Variants in NLRC5 observed in about 807,000 individuals in gnomAD.
NLRC5 encodes the protein protein NLRC5.
NLRC5 carries 114 observed loss-of-function variants against 206.9 expected under a neutral mutation model. That is an observed-to-expected ratio of 0.55 (90% CI 0.47 to 0.64). The LOEUF (loss-of-function observed/expected upper bound fraction) is 0.64. Ranked by LOEUF, NLRC5 falls within the 30% of genes least tolerant of loss-of-function variation. The pLI, the probability that NLRC5 is intolerant of heterozygous loss-of-function variation, is 0.00. For missense variants in NLRC5, 2,008 were observed against 2,305.5 expected, an observed-to-expected ratio of 0.87 and a Z score of 2.64; for synonymous variants, 952 against 962.8, an observed-to-expected ratio of 0.99 and a Z score of 0.21.
chr16:57,040,724 G>A lies in NLRC5; in HGVS notation c.2939+6G>A. 6.2e-7 allele frequency: 1 copy of A among 1,613,746 alleles called. No homozygotes were observed. The highest frequency in any genetic ancestry group is 1.7e-5 in the Admixed American group (1 of 60,024). On this transcript the variant is annotated splice_donor_region_variant and intron_variant, in intron 17 of 48. Coordinates refer to ENST00000688547, the MANE Select transcript of NLRC5 (RefSeq NM_001384950.1). ...CTGAGCTCCCGAAGGATGAGGTACA[G>A]TGATGGCCTCCAGCCCTGTGTGTGA... is the stretch of plus-strand genomic sequence containing the variant.
At chr16:56,996,205 G>C (rs913547730) in intron 1 of NLRC5, among the ~76,000 whole-genome samples, 32 of 151,932 alleles carry the variant, frequency 2.1e-4, no homozygotes, top group African/African-American at 7.0e-4. Flanking sequence ...GTCTCACTCT[G>C]TCACCCAGGC....
chr16:57,054,682 C>T, intron 24 of NLRC5, 69 bp from the exon 25 acceptor site: 1 of 576,728 alleles, frequency 1.7e-6, no homozygotes, highest in Non-Finnish European at 3.3e-6. Context: ...CCCTCCCTTT[C>T]CTTACCCTCC....
intron 38 of NLRC5, chr16:57,074,395 C>T (rs1041155556): frequency 2.4e-5 from 13 of 549,846 alleles, no homozygotes; most frequent in Non-Finnish European, 4.0e-5. Context: ...CATAGAACTG[C>T]TGCCTGCCTG....
chr16:57,059,511 A>T lies in NLRC5; in HGVS notation c.3965A>T (p.Asp1322Val). The T allele has an allele frequency of 6.2e-7, 1 of 1,612,106 alleles. No homozygotes were observed. Among genetic ancestry groups the T allele is most frequent in the East Asian group, 2.2e-5 (1 of 44,858 alleles). Residue 1322 changes from aspartate to valine, a missense_variant, in exon 30 of 49, where the codon GAC (aspartate) becomes GTC (valine). Asp to Val is a radical substitution (Grantham distance 152, BLOSUM62 -3). Coordinates refer to ENST00000688547, the MANE Select transcript of NLRC5 (RefSeq NM_001384950.1). Reference protein sequence around the residue: ...QSFRIHFSREDQAGKTLRLSE... With the variant: ...QSFRIHFSREVQAGKTLRLSE... Reference sequence around the variant, plus strand: ...TTCCGGATTCACTTCTCCAGAGAGGACCAGGCTGGGAAGACACTCAGGTAA... The same window carrying T: ...TTCCGGATTCACTTCTCCAGAGAGGTCCAGGCTGGGAAGACACTCAGGTAA...
intron 1 of NLRC5, among the ~76,000 whole-genome samples, chr16:57,005,355 A>T (rs1027238666): frequency 2.0e-5 from 3 of 152,140 alleles, no homozygotes; most frequent in Non-Finnish European, 4.4e-5. Context: ...GGCTACCTCA[A>T]ATCAAATCAA....
At chr16:57,062,724 A>G (rs2066664726) in intron 32 of NLRC5, 1 of 152,442 alleles carries the variant, frequency 6.6e-6, no homozygotes, top group Admixed American at 6.5e-5. Context: ...CTAAGAACTG[A>G]CTGTTCCCCA....
intron 20 of NLRC5, chr16:57,043,837 G>GC: frequency 1.7e-6 from 1 of 577,310 alleles, no homozygotes; most frequent in Admixed American, 3.0e-5. Flanking sequence ...CACCATTAGA[G>GC]AGTTCATTGA....
At chr16:57,065,135 C>T in intron 32 of NLRC5, 77 bp from the exon 33 acceptor site, 9 of 987,804 alleles carry the variant, frequency 9.1e-6, no homozygotes, top group South Asian at 5.8e-5. Context: ...TGACACTCCT[C>T]CCCCGGCCCC....
intron 48 of NLRC5, 91 bp from the exon 49 acceptor site, chr16:57,082,326 C>T (rs1428404877): frequency 1.3e-5 from 13 of 1,013,028 alleles, no homozygotes; most frequent in Non-Finnish European, 2.0e-5. Flanking sequence ...AGGCACAGCT[C>T]TACCTTTTTG....
intron 20 of NLRC5, among the ~76,000 whole-genome samples, chr16:57,044,304 C>CAAA (rs11399774): frequency 1.4e-5 from 2 of 143,588 alleles, no homozygotes; most frequent in Non-Finnish European, 3.0e-5. Context: ...GACTCCATCT[C>CAAA]AAAAAAAAAA....
chr16:57,014,005 T>A, intron 1 of NLRC5: 1 of 357,824 alleles, frequency 2.8e-6, no homozygotes, highest in Middle Eastern at 1.0e-3. Context: ...ACTGTACCAG[T>A]TTCTTGACAG....
At chr16:57,070,003 C>T (rs2067458730) in intron 37 of NLRC5, 84 bp downstream of exon 37, 1 of 1,135,136 alleles carries the variant, frequency 8.8e-7, no homozygotes, top group South Asian at 1.4e-5. Context: ...TTTGGGAGGG[C>T]AGGCAATGAG....
chr16:57,069,776 C>A, intron 36 of NLRC5, 60 bp from the exon 37 acceptor site: 1 of 1,407,348 alleles, frequency 7.1e-7, no homozygotes, highest in Non-Finnish European at 9.8e-7. Flanking sequence ...CACCAGCATT[C>A]AGAGCTCCCA....
At chr16:57,033,742 G>C in intron 12 of NLRC5, 73 bp downstream of exon 12, 24 of 1,407,034 alleles carry the variant, frequency 1.7e-5, no homozygotes, top group Non-Finnish European at 2.4e-5. Context: ...GGGAGAGCAG[G>C]GGCAGGGAGG....
intron 41 of NLRC5, 43 bp downstream of exon 41, chr16:57,077,422 G>A (rs376711139): frequency 6.0e-5 from 93 of 1,549,970 alleles, no homozygotes; most frequent in Admixed American, 8.5e-5. Flanking sequence ...GGGGTCACAC[G>A]ATGGTCCTAG....
intron 5 of NLRC5, among the ~76,000 whole-genome samples, chr16:57,024,721 G>A (rs1260221562): frequency 6.6e-6 from 1 of 152,150 alleles, no homozygotes; most frequent in Non-Finnish European, 1.5e-5. Flanking sequence ...ATAAGATATT[G>A]CAAAGTAGCT....
Position 57,039,799 on chromosome 16 carries a change from G to A in NLRC5, c.2820G>A (p.Val940=), listed in dbSNP as rs1347673357. 1.9e-6 allele frequency: 3 copies of A among 1,614,074 alleles called. No individual in the cohort carries two copies. Among genetic ancestry groups the A allele is most frequent in the Middle Eastern group, 1.6e-4 (1 of 6,084 alleles). The stretch of plus-strand genomic sequence containing the variant: ...TTCACAGCCTGCAGCACAAAACTGT[G>A]ATCTTCATGTTTGCCCAGGAGCCAG... ...ELHISLQHKT[V]IFMFAQEPEE... Residue 940 remains valine (V), a synonymous_variant, in exon 16 of 49, where the codon GTG becomes GTA. Coordinates refer to ENST00000688547, the MANE Select transcript of NLRC5 (RefSeq NM_001384950.1).
chr16:57,037,250 AGTGC>A lies in NLRC5; in HGVS notation c.2772_2775del (p.Cys925GlyfsTer15), dbSNP rs759512208. 1 of 1,613,702 alleles carries A rather than the reference AGTGC, an allele frequency of 6.2e-7. No individual in the cohort carries two copies. Among genetic ancestry groups the A allele is most frequent in the Admixed American group, 1.7e-5 (1 of 60,016 alleles). On this transcript the variant is annotated frameshift_variant, in exon 15 of 49. Coordinates refer to ENST00000688547, the MANE Select transcript of NLRC5 (RefSeq NM_001384950.1). LOFTEE classifies it high-confidence loss of function. ...GGTGCATTGTGTGCTGAGGGCCGTGAGTGCGTGCTGGACCCTGGCAGAGCTGCAC... is the reference window on the plus strand; with the variant it reads ...GGTGCATTGTGTGCTGAGGGCCGTGAGTGCTGGACCCTGGCAGAGCTGCAC...
intron 1 of NLRC5, among the ~76,000 whole-genome samples, chr16:56,998,137 C>G (rs2057840500): frequency 6.6e-6 from 1 of 151,742 alleles, no homozygotes; most frequent in Admixed American, 6.6e-5. Flanking sequence ...TCAGATGATC[C>G]AGTCTGGAGG....
Sources: gnomAD v4.1 joint callset for allele counts (sites outside exome capture counted in the v4.1 genomes callset) on GRCh38, gnomAD v4.1.1 for gene constraint, MANE v1.5 for transcripts, NCBI Gene and HGNC (gene_info 2026-07-23, HGNC 2026-07-21) for gene names.